NELL2: variants seen among roughly 807,000 people sequenced by gnomAD.
The protein encoded by NELL2 is protein kinase C-binding protein NELL2.
NELL2 carries 41 observed loss-of-function variants against 109.6 expected under a neutral mutation model. The observed-to-expected ratio is 0.37, with a 90% CI of 0.29 to 0.49. The LOEUF (loss-of-function observed/expected upper bound fraction) is 0.49, where lower values mean the gene tolerates loss of function less well. Ranked by LOEUF, NELL2 falls within the 20% of genes least tolerant of loss-of-function variation. The probability of loss-of-function intolerance (pLI) is 0.98; values close to 1 mark genes in which losing one functional copy is unlikely to be tolerated. For synonymous variants in NELL2, 355 were observed against 344.7 expected (o/e 1.03, Z -0.33); for missense variants, 900 against 1,008.3 (o/e 0.89, Z 1.45).
intron 15 of NELL2, among the ~76,000 whole-genome samples, chr12:44,577,393 G>T (rs1304936547): frequency 3.3e-5 from 4 of 122,910 alleles, no homozygotes; most frequent in African/African-American, 1.3e-4. Context: ...TGATGGGGTT[G>T]TTTGTTTTTT....
chr12:44,864,296 A>G (rs1281731264), intron 2 of NELL2, among the ~76,000 whole-genome samples: 15 of 152,314 alleles, frequency 9.8e-5, no homozygotes, highest in Non-Finnish European at 2.2e-4. Flanking sequence ...AAAAATAAAA[A>G]GCAAGACCCA....
chr12:44,875,739 G>A, intron 1 of NELL2, 76 bp downstream of exon 1: 2 of 1,610,258 alleles, frequency 1.2e-6, no homozygotes, highest in Admixed American at 1.7e-5. Flanking sequence ...GGAAAAGCGA[G>A]GCTTCCCCAG....
chr12:44,815,141 C>T (rs2136682776), intron 3 of NELL2, among the ~76,000 whole-genome samples: 1 of 152,098 alleles, frequency 6.6e-6, no homozygotes, highest in East Asian at 1.9e-4. Flanking sequence ...TACTTCATAG[C>T]AATTTATGTA....
intron 13 of NELL2, among the ~76,000 whole-genome samples, chr12:44,624,998 A>G (rs1362319734): frequency 4.7e-5 from 2 of 42,440 alleles, no homozygotes; most frequent in East Asian, 4.6e-4. Context: ...ATGTGTGTGT[A>G]TATATATATA....
At chr12:44,535,977 A>G (rs1007562353) in intron 15 of NELL2, among the ~76,000 whole-genome samples, 4 of 151,968 alleles carry the variant, frequency 2.6e-5, no homozygotes, top group African/African-American at 9.7e-5. Context: ...ATCATTTAGA[A>G]TAAGGAAAAA....
Position 44,539,228 on chromosome 12 carries a change from C to T in NELL2, c.1664-6507G>A, listed in dbSNP as rs558162257. On this transcript the variant is annotated intron_variant, in intron 15 of 19. Transcript: ENST00000429094. ...TATAATTTTAATTCAGGAGAAATTCCTACCTGTTTTTCTCCCCTGTTCAAA... is the reference window on the plus strand; with the variant it reads ...TATAATTTTAATTCAGGAGAAATTCTTACCTGTTTTTCTCCCCTGTTCAAA... Among the ~76,000 whole-genome samples the T allele has an allele frequency of 5.9e-5, 9 of 152,220 alleles. No homozygotes were observed. In the South Asian group the frequency reaches 8.3e-4, roughly 14 times the overall value.
rs950679603 is a variant in NELL2 at position 44,839,993 on chromosome 12, C to T, written c.185-23857G>A. Among the ~76,000 whole-genome samples, 6 of 152,274 alleles carry T rather than the reference C, an allele frequency of 3.9e-5. No individual in the cohort carries two copies. The South Asian group carries it at 6.2e-4, about 16-fold the overall frequency. On this transcript the variant is annotated intron_variant, in intron 2 of 19. Coordinates refer to ENST00000429094, the MANE Select transcript of NELL2 (RefSeq NM_001145108.2). ...TGTTACTACCCTTTCAACCTCATCC[C>T]GGGCCACTCTCCCACATGTGTGCTG...
rs185598273 is a variant in NELL2, at chr12:44,655,870, C to A, written c.1444+9614G>T. The stretch of plus-strand genomic sequence containing the variant: ...ATTTAGCTTTAGGGGGCATACTTTA[C>A]ATTTTAAAACCTAAAGTTGTCTGAT... On this transcript the variant is annotated intron_variant, in intron 13 of 19. Transcript: ENST00000429094. Among the ~76,000 whole-genome samples, 68 of 152,120 alleles carry A rather than the reference C, an allele frequency of 4.5e-4. 2 individuals carry two copies. In the East Asian group the frequency reaches 0.013, roughly 28 times the overall value.
At chr12:44,604,879 A>C (rs1945340426) in intron 15 of NELL2, among the ~76,000 whole-genome samples, 1 of 152,174 alleles carries the variant, frequency 6.6e-6, no homozygotes, top group African/African-American at 2.4e-5. Flanking sequence ...CAACAACTGT[A>C]GCACTGACCA....
intron 3 of NELL2, among the ~76,000 whole-genome samples, chr12:44,783,146 G>GAGGA (rs2136607139): frequency 6.6e-6 from 1 of 151,898 alleles, no homozygotes; most frequent in African/African-American, 2.4e-5. Flanking sequence ...ACAGGTCAAA[G>GAGGA]AGGAAGGCTC....
intron 2 of NELL2, among the ~76,000 whole-genome samples, chr12:44,867,969 A>G (rs944196821): frequency 2.0e-5 from 3 of 151,806 alleles, no homozygotes; most frequent in East Asian, 3.9e-4. Context: ...AAAATACAAA[A>G]ATTAGCCGGG....
At chr12:44,788,866 C>T (rs1364727401) in intron 3 of NELL2, among the ~76,000 whole-genome samples, 1 of 152,040 alleles carries the variant, frequency 6.6e-6, no homozygotes, top group Non-Finnish European at 1.5e-5. Flanking sequence ...CATGGCAGTT[C>T]GGTGAGGCCT....
At chr12:44,721,766 A>T (rs967353362) in intron 9 of NELL2, among the ~76,000 whole-genome samples, 1 of 150,208 alleles carries the variant, frequency 6.7e-6, no homozygotes, top group Non-Finnish European at 1.5e-5. Flanking sequence ...AAGAGATTAC[A>T]AGTAAAAAAA....
At chr12:44,513,732 A>T (rs1941111370) in intron 19 of NELL2, among the ~76,000 whole-genome samples, 1 of 151,912 alleles carries the variant, frequency 6.6e-6, no homozygotes, top group African/African-American at 2.4e-5. Flanking sequence ...TCCATAAAAC[A>T]AAGACAAAAA....
rs34038469 is a variant in NELL2, at chr12:44,868,119, C to CAA, written c.184+7104_184+7105dup. On this transcript the variant is annotated intron_variant, in intron 2 of 19. Transcript: ENST00000429094. ...TAGGTGAAACAGTGAGGCTCCATCT[C>CAA]AAAAAAAAAAAAAAAAAAAAAAAAT... 6.1e-3 allele frequency among the ~76,000 whole-genome samples: 396 copies of CAA among 64,622 alleles called. 4 individuals are homozygous for CAA. Among genetic ancestry groups the CAA allele is most frequent in the African/African-American group, 0.017 (259 of 15,012 alleles). The allele number at this position is 64,622 out of a possible 152,430, so 42.4% of individuals were successfully genotyped here.
chr12:44,544,231 C>G (rs1265300049), intron 15 of NELL2, among the ~76,000 whole-genome samples: 1 of 152,020 alleles, frequency 6.6e-6, no homozygotes, highest in Non-Finnish European at 1.5e-5. Flanking sequence ...TGAGTATGAA[C>G]AGGTGATGGT....
At chr12:44,769,397 G>A (rs905994827) in intron 9 of NELL2, among the ~76,000 whole-genome samples, 2 of 151,842 alleles carry the variant, frequency 1.3e-5, no homozygotes, top group African/African-American at 4.8e-5. Flanking sequence ...ATTAGGCCGC[G>A]GTACAATATC....
At chr12:44,724,040 C>T (rs1324168643) in intron 9 of NELL2, among the ~76,000 whole-genome samples, 1 of 151,834 alleles carries the variant, frequency 6.6e-6, no homozygotes, top group Non-Finnish European at 1.5e-5. Flanking sequence ...TATATATATA[C>T]ACCATGGAAT....
chr12:44,611,395 A>C (rs1945616016), intron 13 of NELL2, among the ~76,000 whole-genome samples: 1 of 152,026 alleles, frequency 6.6e-6, no homozygotes, highest in Non-Finnish European at 1.5e-5. Context: ...TAGGATAATA[A>C]AGCTGAAGTT....
Sources: gnomAD v4.1 joint callset for allele counts (sites outside exome capture counted in the v4.1 genomes callset) on GRCh38, gnomAD v4.1.1 for gene constraint, MANE v1.5 for transcripts, NCBI Gene and HGNC (gene_info 2026-07-23, HGNC 2026-07-21) for gene names.